Variants in STOX2 observed in about 807,000 individuals in gnomAD.
STOX2 encodes the protein storkhead box 2.
STOX2 carries 28 observed loss-of-function variants against 60.9 expected under a neutral mutation model. The observed-to-expected ratio is 0.46, with a 90% CI of 0.34 to 0.63. STOX2 has a LOEUF of 0.63. Ranked by LOEUF, STOX2 falls within the 30% of genes least tolerant of loss-of-function variation. The probability of loss-of-function intolerance (pLI) is 0.01; values close to 1 mark genes in which losing one functional copy is unlikely to be tolerated. For synonymous variants in STOX2, 472 were observed against 463.9 expected, an observed-to-expected ratio of 1.02 and a Z score of -0.22; for missense variants, 1,024 against 1,187.7, an observed-to-expected ratio of 0.86 and a Z score of 2.03.
rs1279437329 is a variant in STOX2 at position 183,847,156 on chromosome 4, C to T, written c.364+49101C>T. 1.3e-5 allele frequency among the ~76,000 whole-genome samples: 2 copies of T among 152,196 alleles called. 1 individual carries two copies. The highest frequency in any genetic ancestry group is 1.3e-4 in the Admixed American group (2 of 15,284). On this transcript the variant is annotated intron_variant, in intron 1 of 2. Coordinates refer to the STOX2 transcript ENST00000513034. ...ATACAATTCCCAACTCTGCCTTAGC[C>T]TTCACTTCCTGCTTGTGCAGAGCCT...
intron 1 of STOX2, among the ~76,000 whole-genome samples, chr4:183,973,717 C>T (rs994832739): frequency 3.3e-5 from 5 of 152,120 alleles, no homozygotes; most frequent in Non-Finnish European, 5.9e-5. Context: ...TATAATAGGC[C>T]GGGCGCTGTG....
At position 184,010,171 on chromosome 4, in the gene STOX2, G is replaced by T; in HGVS notation, c.1333G>T (p.Glu445Ter). The T allele has an allele frequency of 6.4e-7, 1 of 1,557,514 alleles. No individual in the cohort carries two copies. The highest frequency in any genetic ancestry group is 8.7e-7 in the Non-Finnish European group (1 of 1,150,132). The change falls in exon 3 of 4, where the codon GAA becomes TAA. Residue 445 changes from glutamate to a stop codon, truncating the protein, a stop_gained. Transcript: ENST00000308497. LOFTEE classifies it high-confidence loss of function. This position sits in a 1 kb window ranked among gnomAD's most constrained non-coding sequence, Gnocchi z 4.5. ...PMTPEWDVSG[E>*]LAKRRTEMPF... ...GACACCAGAATGGGATGTGTCTGGT[G>T]AATTGGCTAAAAGGAGAACTGAGAT...
chr4:183,799,260 A>G (rs919308285), intron 1 of STOX2, among the ~76,000 whole-genome samples: 9 of 152,260 alleles, frequency 5.9e-5, no homozygotes, highest in African/African-American at 2.2e-4. Flanking sequence ...GTATTTTGTA[A>G]CCTGCGCTGA....
chr4:183,807,428 C>T (rs1738929624), intron 1 of STOX2, among the ~76,000 whole-genome samples: 1 of 152,202 alleles, frequency 6.6e-6, no homozygotes, highest in Admixed American at 6.5e-5. Context: ...TTGGGACAGT[C>T]CTGCAGTCCT....
rs564115878 is a variant in STOX2, at chr4:184,018,166, A to G, written c.*882A>G. 6 of 152,220 alleles carry G rather than the reference A, an allele frequency of 3.9e-5. No homozygotes were observed. Among genetic ancestry groups the G allele is most frequent in the Admixed American group, 6.5e-5 (1 of 15,288 alleles). The allele number at this position is 152,220 out of a possible 1,614,324, so 9.4% of individuals were successfully genotyped here. On this transcript the variant is annotated 3_prime_UTR_variant, in exon 4 of 4. Coordinates refer to ENST00000308497, the MANE Select transcript of STOX2 (RefSeq NM_020225.3). Reference sequence around the variant, plus strand: ...AGGAAGAGAATTTCCTCCTTGTGATACTTAGGATGACCCTATCTTACTCTA... The same window carrying G: ...AGGAAGAGAATTTCCTCCTTGTGATGCTTAGGATGACCCTATCTTACTCTA...
In STOX2 at chr4:184,017,436, A is replaced by AT; in HGVS notation, c.*152_*153insT. 1.5e-6 allele frequency: 1 copy of AT among 687,172 alleles called. No homozygotes were observed. Among genetic ancestry groups the AT allele is most frequent in the Non-Finnish European group, 2.4e-6 (1 of 425,400 alleles). 42.6% of individuals were successfully genotyped at this position (687,172 alleles called of 1,614,324 possible). ...TGCTAAGTAGGGCTAGGGCAAAAAA[A>AT]CAAAAAATCTTTATTTCAGAGTATT... On this transcript the variant is annotated 3_prime_UTR_variant, in exon 4 of 4. Transcript: ENST00000308497.
At chr4:183,884,774 A>G (rs1741042675) in intron 1 of STOX2, among the ~76,000 whole-genome samples, 1 of 152,200 alleles carries the variant, frequency 6.6e-6, no homozygotes, top group Non-Finnish European at 1.5e-5. Context: ...TGTGATGAGA[A>G]AGCTACAAGT....
intron 1 of STOX2, among the ~76,000 whole-genome samples, chr4:183,874,976 TATATATATATATATATAA>T (rs1740793621): frequency 1.0e-5 from 1 of 97,012 alleles, no homozygotes; most frequent in Admixed American, 1.2e-4. Flanking sequence ...TATATATATA[TATATATATATATATATAA>T]AACTTAGAAT....
At chr4:184,007,805 C>G (rs533464700) in intron 2 of STOX2, among the ~76,000 whole-genome samples, 1 of 152,330 alleles carries the variant, frequency 6.6e-6, no homozygotes, top group South Asian at 2.1e-4. Flanking sequence ...CTGTGCCTTT[C>G]TGTCTCCAGC....
intron 1 of STOX2, among the ~76,000 whole-genome samples, chr4:183,944,722 A>G (rs1257324057): frequency 6.6e-6 from 1 of 152,214 alleles, no homozygotes; most frequent in Non-Finnish European, 1.5e-5. Flanking sequence ...AATAAAATGA[A>G]ATAAAATAAA....
Position 183,906,519 on chromosome 4 carries a change from C to A in STOX2, c.-272C>A. 1 of 265,358 alleles carries A rather than the reference C, an allele frequency of 3.8e-6. No individual in the cohort carries two copies. The highest frequency in any genetic ancestry group is 5.4e-5 in the Admixed American group (1 of 18,678). 16.4% of individuals were successfully genotyped at this position (265,358 alleles called of 1,614,324 possible). On this transcript the variant is annotated 5_prime_UTR_variant, in exon 1 of 4. Coordinates refer to ENST00000308497, the MANE Select transcript of STOX2 (RefSeq NM_020225.3). ...GGGAGCCTCCTAACGTGCCTTTCCC[C>A]CCAGGAATCTGGAAGCTATAAGCCG...
chr4:183,855,931 A>G (rs919171188), intron 1 of STOX2, among the ~76,000 whole-genome samples: 2 of 152,182 alleles, frequency 1.3e-5, no homozygotes, highest in African/African-American at 2.4e-5. Flanking sequence ...TCTTCTGCCT[A>G]TGGTGCACAT....
chr4:183,922,707 C>T (rs1281591838), intron 1 of STOX2, among the ~76,000 whole-genome samples: 2 of 152,120 alleles, frequency 1.3e-5, no homozygotes, highest in African/African-American at 4.8e-5. Flanking sequence ...TTCACATTGT[C>T]ATGAGGCCAA....
At chr4:183,929,194 T>C (rs1742338784) in intron 1 of STOX2, among the ~76,000 whole-genome samples, 1 of 152,244 alleles carries the variant, frequency 6.6e-6, no homozygotes, top group Middle Eastern at 3.2e-3. Flanking sequence ...GGCCTCCCAT[T>C]GCTCATGGCT....
rs193137541 is a variant in STOX2, at chr4:183,975,107, T to A, written c.167-26218T>A. Among the ~76,000 whole-genome samples the A allele has an allele frequency of 1.6e-4, 25 of 152,154 alleles. No homozygotes were observed. In the East Asian group the frequency reaches 4.6e-3, roughly 28 times the overall value. ...CTTCTAAGTGATCTGTGAATCAAAGTCTCAGAGAAAGCAGAAAATATTTTG... is the reference window on the plus strand; with the variant it reads ...CTTCTAAGTGATCTGTGAATCAAAGACTCAGAGAAAGCAGAAAATATTTTG... On this transcript the variant is annotated intron_variant, in intron 1 of 3. Transcript: ENST00000308497.
intron 1 of STOX2, among the ~76,000 whole-genome samples, chr4:183,899,252 G>A (rs1368101610): frequency 2.0e-5 from 3 of 152,064 alleles, no homozygotes; most frequent in Non-Finnish European, 4.4e-5. Flanking sequence ...TTGAAACTAG[G>A]CCAATTAATA....
At chr4:183,989,795 G>T (rs1733020415) in intron 1 of STOX2, among the ~76,000 whole-genome samples, 1 of 152,032 alleles carries the variant, frequency 6.6e-6, no homozygotes, top group Non-Finnish European at 1.5e-5. Flanking sequence ...GTAAATTTTG[G>T]TCCTCAAAAG....
chr4:183,806,465 G>A lies in STOX2; in HGVS notation c.364+8410G>A, dbSNP rs574041812. ...TTGAAGGGGTGGAATCCAGTCTGGG[G>A]CGCCCCATCTTCCTGCCGCCTGAGG... On this transcript the variant is annotated intron_variant, in intron 1 of 2. Transcript: ENST00000513034. The surrounding 1 kb of genome is among the most constrained non-coding windows in gnomAD (Gnocchi z 4.1). Among the ~76,000 whole-genome samples, 12 of 152,232 alleles carry A rather than the reference G, an allele frequency of 7.9e-5. No individual in the cohort carries two copies. The highest frequency in any genetic ancestry group is 4.6e-4 in the Admixed American group (7 of 15,294).
At chr4:183,887,933 G>T (rs1309701217) in intron 1 of STOX2, among the ~76,000 whole-genome samples, 1 of 152,012 alleles carries the variant, frequency 6.6e-6, no homozygotes, top group Non-Finnish European at 1.5e-5. Flanking sequence ...GTTTGTTTTT[G>T]GTAGAGACAG....
Sources: gnomAD v4.1 joint callset for allele counts (sites outside exome capture counted in the v4.1 genomes callset) on GRCh38, gnomAD v4.1.1 for gene constraint, Gnocchi (gnomAD v3.1) non-coding constraint, MANE v1.5 for transcripts, NCBI Gene and HGNC (gene_info 2026-07-23, HGNC 2026-07-21) for gene names.